HTR2A: variants seen among roughly 807,000 people sequenced by gnomAD.
HTR2A encodes the protein 5-hydroxytryptamine receptor 2A.
Under a neutral mutation model 31.0 loss-of-function variants are expected in HTR2A, and 14 were observed. That is an observed-to-expected ratio of 0.45 (90% CI 0.30 to 0.71). The LOEUF (loss-of-function observed/expected upper bound fraction) is 0.71, where lower values mean the gene tolerates loss of function less well. Among genes scored for constraint, HTR2A ranks in the 30% least tolerant of loss-of-function variants. The pLI, the probability that HTR2A is intolerant of heterozygous loss-of-function variation, is 0.09. For missense variants in HTR2A, 442 were observed against 573.3 expected, an observed-to-expected ratio of 0.77 and a Z score of 2.34; for synonymous variants, 209 against 225.2, an observed-to-expected ratio of 0.93 and a Z score of 0.64.
At chr13:46,857,076 TG>T (rs1390238952) in intron 3 of HTR2A, among the ~76,000 whole-genome samples, 4 of 151,756 alleles carry the variant, frequency 2.6e-5, no homozygotes, top group Admixed American at 2.0e-4. Flanking sequence ...CTGAGGTGGG[TG>T]GATCATGAGG....
intron 2 of HTR2A, among the ~76,000 whole-genome samples, chr13:46,893,124 GT>G (rs1373849144): frequency 6.6e-6 from 1 of 152,228 alleles, no homozygotes; most frequent in Non-Finnish European, 1.5e-5. Context: ...GAATATGTCT[GT>G]TTGTAAAAAT....
chr13:46,884,198 G>A lies in HTR2A; in HGVS notation c.613+8192C>T, dbSNP rs928906334. Among the ~76,000 whole-genome samples the A allele has an allele frequency of 4.6e-5, 7 of 152,188 alleles. No individual in the cohort carries two copies. In the East Asian group the frequency reaches 9.6e-4, roughly 21 times the overall value. On this transcript the variant is annotated intron_variant, in intron 3 of 3. Transcript: ENST00000542664. ...GAAGTGGCTCACGCCTGTAATCCCA[G>A]CACTTTGGGAGGCCAAGGCCTCTAC...
At chr13:46,840,289 G>A (rs1201038259) in intron 3 of HTR2A, among the ~76,000 whole-genome samples, 1 of 152,154 alleles carries the variant, frequency 6.6e-6, no homozygotes, top group African/African-American at 2.4e-5. Context: ...TCACTATCCT[G>A]ATACAGAGTG....
At chr13:46,856,592 G>GT (rs1161152205) in intron 3 of HTR2A, among the ~76,000 whole-genome samples, 4 of 146,576 alleles carry the variant, frequency 2.7e-5, no homozygotes, top group Non-Finnish European at 5.9e-5. Context: ...AACTCTCTTA[G>GT]TTAAAAAAAA....
At chr13:46,847,714 C>T (rs1950653648) in intron 3 of HTR2A, among the ~76,000 whole-genome samples, 1 of 152,160 alleles carries the variant, frequency 6.6e-6, no homozygotes, top group Admixed American at 6.5e-5. Context: ...GATCAGCTGA[C>T]ACTATTTGTA....
chr13:46,861,656 G>T (rs1193823399), intron 3 of HTR2A, among the ~76,000 whole-genome samples: 1 of 152,198 alleles, frequency 6.6e-6, no homozygotes, highest in East Asian at 1.9e-4. Flanking sequence ...GAACCTGTTA[G>T]GCTTATCAAC....
chr13:46,862,434 T>C (rs1220875085), intron 3 of HTR2A, among the ~76,000 whole-genome samples: 1 of 152,232 alleles, frequency 6.6e-6, no homozygotes, highest in Non-Finnish European at 1.5e-5. Flanking sequence ...AGGGAATCTG[T>C]TATATTTTGC....
In HTR2A at chr13:46,895,411, C is replaced by A; in HGVS notation, c.412+84G>T. Reference sequence around the variant, plus strand: ...ACTTCTATTTATAGTTTGTTTGCCCCCTGAGCCCCATCTCATCTGCTGGTG... The same window carrying A: ...ACTTCTATTTATAGTTTGTTTGCCCACTGAGCCCCATCTCATCTGCTGGTG... On this transcript the variant is annotated intron_variant, in intron 2 of 3. Coordinates refer to ENST00000542664, the MANE Select transcript of HTR2A (RefSeq NM_000621.5). This position sits in a 1 kb window ranked among gnomAD's most constrained non-coding sequence, Gnocchi z 4.4. 7.9e-7 allele frequency: 1 copy of A among 1,273,458 alleles called. No individual in the cohort carries two copies. Among genetic ancestry groups the A allele is most frequent in the Non-Finnish European group, 1.1e-6 (1 of 915,108 alleles). The allele number at this position is 1,273,458 out of a possible 1,614,324, so 78.9% of individuals were successfully genotyped here. A position where few individuals can be genotyped will look rare whatever the true frequency, so the allele number is the denominator to read the frequency against.
chr13:46,872,290 T>C (rs1441164655), intron 3 of HTR2A, among the ~76,000 whole-genome samples: 1 of 152,162 alleles, frequency 6.6e-6, no homozygotes, highest in South Asian at 2.1e-4. Flanking sequence ...CCCCTGTCCT[T>C]GAGAGGTTAT....
chr13:46,892,470 T>C lies in HTR2A; in HGVS notation c.533A>G (p.Gln178Arg). 6.2e-7 allele frequency: 1 copy of C among 1,614,246 alleles called. No individual in the cohort carries two copies. The highest frequency in any genetic ancestry group is 8.5e-7 in the Non-Finnish European group (1 of 1,180,034). ...GAAGCGGCTGTGGTGGATGGGATTC[T>C]GGATGGCGACGTAGCGGTCCAGCGA... ...AISLDRYVAI[Q>R]NPIHHSRFNS... The change falls in exon 3 of 4, where the codon CAG (glutamine) becomes CGG (arginine). Residue 178 changes from glutamine to arginine, a missense_variant. By Grantham distance (43) the Gln-to-Arg change is conservative. Transcript: ENST00000542664.
intron 3 of HTR2A, among the ~76,000 whole-genome samples, chr13:46,840,960 C>G (rs546656947): frequency 3.9e-5 from 6 of 152,120 alleles, no homozygotes; most frequent in African/African-American, 1.4e-4. Context: ...GGGACAGGGA[C>G]CTGGTGGGAG....
upstream of HTR2A, among the ~76,000 whole-genome samples, chr13:46,897,445 T>C (rs1484153835): frequency 4.6e-5 from 7 of 152,214 alleles, no homozygotes; most frequent in African/African-American, 1.7e-4. Flanking sequence ...GTGATAACTC[T>C]GATAAACTAT....
At chr13:46,877,841 T>C (rs918537285) in intron 3 of HTR2A, among the ~76,000 whole-genome samples, 6 of 151,768 alleles carry the variant, frequency 4.0e-5, no homozygotes, top group African/African-American at 1.5e-4. Flanking sequence ...CATAGGAAAG[T>C]AGAAAAGTAG....
At chr13:46,889,010 T>C (rs1951030412) in intron 3 of HTR2A, among the ~76,000 whole-genome samples, 1 of 152,132 alleles carries the variant, frequency 6.6e-6, no homozygotes, top group Non-Finnish European at 1.5e-5. Context: ...ATAACAGATT[T>C]AAACCCAAAT....
At chr13:46,866,650 A>G (rs1454600646) in intron 3 of HTR2A, among the ~76,000 whole-genome samples, 1 of 152,224 alleles carries the variant, frequency 6.6e-6, no homozygotes, top group Non-Finnish European at 1.5e-5. Context: ...ACTAGACTAA[A>G]AACTTCTACC....
At position 46,896,220 on chromosome 13, in the gene HTR2A, G is replaced by A. The variant is rs1339684714; in HGVS notation, c.-314C>T. 10 of 1,122,934 alleles carry A rather than the reference G, an allele frequency of 8.9e-6. No homozygotes were observed. Among genetic ancestry groups the A allele is most frequent in the Non-Finnish European group, 9.8e-6 (9 of 919,668 alleles). The allele number at this position is 1,122,934 out of a possible 1,614,324, so 69.6% of individuals were successfully genotyped here. ...GTTGCAGGGTTTTTTTTGAGCGCTC[G>A]GGAAGATAAATGTCCTGGACAAAGA... On this transcript the variant is annotated 5_prime_UTR_variant, in exon 2 of 4. Coordinates refer to ENST00000542664, the MANE Select transcript of HTR2A (RefSeq NM_000621.5).
intron 3 of HTR2A, among the ~76,000 whole-genome samples, chr13:46,861,628 C>T (rs1010125572): frequency 2.0e-5 from 3 of 152,178 alleles, no homozygotes; most frequent in Admixed American, 6.5e-5. Context: ...CAAACACTTC[C>T]GAAGAGGCAA....
At chr13:46,848,429 C>G (rs1028761301) in intron 3 of HTR2A, among the ~76,000 whole-genome samples, 2 of 152,166 alleles carry the variant, frequency 1.3e-5, no homozygotes, top group African/African-American at 4.8e-5. Flanking sequence ...AGCTTTCTTT[C>G]ACAGTTAATG....
chr13:46,884,497 T>C (rs1288442674), intron 3 of HTR2A, among the ~76,000 whole-genome samples: 1 of 152,164 alleles, frequency 6.6e-6, no homozygotes, highest in Non-Finnish European at 1.5e-5. Context: ...AACCCATCTC[T>C]ACTAAAAATA....
Sources: allele counts gnomAD v4.1 joint callset (sites outside exome capture counted in the v4.1 genomes callset), GRCh38; gene constraint gnomAD v4.1.1; non-coding constraint Gnocchi (gnomAD v3.1); transcripts MANE v1.5; gene names NCBI Gene and HGNC (gene_info 2026-07-23, HGNC 2026-07-21).